The following MLLT6 variants were observed in gnomAD, a reference collection of about 807,000 sequenced individuals.
MLLT6 encodes MLLT6, PHD finger containing, also known as protein AF-17.
A neutral mutation model predicts 103.0 loss-of-function variants in MLLT6; 22 were observed. The observed-to-expected ratio is 0.21, with a 90% CI of 0.15 to 0.31. The LOEUF is 0.31. Ranked by LOEUF, MLLT6 falls within the 10% of genes least tolerant of loss-of-function variation. MLLT6 has a pLI of 1.00. For missense variants in MLLT6, 1,199 were observed against 1,441.7 expected, an observed-to-expected ratio of 0.83 and a Z score of 2.73; for synonymous variants, 606 against 623.5, an observed-to-expected ratio of 0.97 and a Z score of 0.42.
intron 10 of MLLT6, 43 bp downstream of exon 10, chr17:38,717,024 A>T: frequency 1.9e-6 from 3 of 1,607,192 alleles, no homozygotes; most frequent in Non-Finnish European, 2.5e-6. Flanking sequence ...GGGCCCAGCC[A>T]GTCTAGTGAG....
chr17:38,718,512 A>C (rs1247632237), intron 12 of MLLT6: 1 of 152,204 alleles, frequency 6.6e-6, no homozygotes, highest in African/African-American at 2.4e-5. Flanking sequence ...GTACACTTTC[A>C]AGTTAGAACC....
chr17:38,725,219 C>T (rs76820850), intron 19 of MLLT6: 30,382 of 530,954 alleles, frequency 0.057, 1,283 homozygotes, highest in Middle Eastern at 0.14. Context: ...AGCCTTCCTC[C>T]GGGAGGACCA....
chr17:38,705,924 T>G, intron 1 of MLLT6, 183 bp downstream of exon 1: 1 of 268,950 alleles, frequency 3.7e-6, no homozygotes, highest in Middle Eastern at 1.1e-3. Context: ...AGGCATTGTT[T>G]TCTTGCCTAT....
In MLLT6 at chr17:38,709,420, G is replaced by A; in HGVS notation, c.459-62G>A. 6.0e-6 allele frequency: 9 copies of A among 1,494,510 alleles called. No homozygotes were observed. Among genetic ancestry groups the A allele is most frequent in the Non-Finnish European group, 8.4e-6 (9 of 1,071,164 alleles). The allele number at this position is 1,494,510 out of a possible 1,614,324, so 92.6% of individuals were successfully genotyped here. A position where few individuals can be genotyped will look rare whatever the true frequency, so the allele number is the denominator to read the frequency against. ...CGCCTCAGCAGGGGGCCAGGAGGGT[G>A]AGAGGAAGGTGGCTCATGTGATCTG... On this transcript the variant is annotated intron_variant, in intron 5 of 19. Transcript: ENST00000621332. This position sits in a 1 kb window ranked among gnomAD's most constrained non-coding sequence, Gnocchi z 4.3.
chr17:38,707,416 C>T, intron 2 of MLLT6, 70 bp from the exon 3 acceptor site: 1 of 1,474,928 alleles, frequency 6.8e-7, no homozygotes. Flanking sequence ...AGCCTGGGAC[C>T]CCTTGAACGT....
intron 4 of MLLT6, chr17:38,708,934 G>A: frequency 1.9e-6 from 1 of 514,140 alleles, no homozygotes; most frequent in Non-Finnish European, 3.4e-6. Context: ...ATTAAATACA[G>A]TTTAGAATCT....
At position 38,724,743 on chromosome 17, in the gene MLLT6, C is replaced by T. The variant is rs1446277037; in HGVS notation, c.3007C>T (p.Pro1003Ser). 5.0e-6 allele frequency: 8 copies of T among 1,610,726 alleles called. No homozygotes were observed. Among genetic ancestry groups the T allele is most frequent in the Non-Finnish European group, 6.8e-6 (8 of 1,178,864 alleles). Residue 1003 changes from proline (P) to serine (S), a missense_variant, in exon 19 of 20, where the codon CCG (proline) becomes TCG (serine). Transcript: ENST00000621332. This position sits in a 1 kb window ranked among gnomAD's most constrained non-coding sequence, Gnocchi z 5.4. Reference sequence around the variant, plus strand: ...CAGCCTGCTGGCAGGAAGCTCCACCCCGCTGCTGTCTGCGGGTACCCCTGG... The same window carrying T: ...CAGCCTGCTGGCAGGAAGCTCCACCTCGCTGCTGTCTGCGGGTACCCCTGG... ...MASLLAGSST[P>S]LLSAGTPGLL...
In MLLT6 at chr17:38,719,589, G is replaced by A. The variant is rs1800747499; in HGVS notation, c.2009+6G>A. On this transcript the variant is annotated splice_donor_region_variant and intron_variant, in intron 13 of 19. Coordinates refer to ENST00000621332, the MANE Select transcript of MLLT6 (RefSeq NM_005937.4). ...CAGGAGAGTCTGTCTTCCATGTGAG[G>A]GAAGGGGCAGCCTGGAGGAGGGGCT... 1 of 1,603,484 alleles carries A rather than the reference G, an allele frequency of 6.2e-7. No individual in the cohort carries two copies. The highest frequency in any genetic ancestry group is 8.5e-7 in the Non-Finnish European group (1 of 1,174,536).
At chr17:38,707,053 C>A in intron 2 of MLLT6, 24 bp downstream of exon 2, 1 of 1,594,266 alleles carries the variant, frequency 6.3e-7, no homozygotes, top group Non-Finnish European at 8.6e-7. Context: ...TGCCCCTCTC[C>A]ACTCCCCTGC....
chr17:38,720,878 C>T (rs1905693002), intron 16 of MLLT6, 131 bp downstream of exon 16: 2 of 789,810 alleles, frequency 2.5e-6, no homozygotes, highest in African/African-American at 1.7e-5. Context: ...TCCATTCAGT[C>T]CTCCCTTAAT....
chr17:38,721,171 G>C, intron 16 of MLLT6: 1 of 210,720 alleles, frequency 4.7e-6, no homozygotes, highest in South Asian at 7.6e-5. Context: ...TGTGTAACTG[G>C]TGGCGGTTCG....
rs573717802 is a variant in MLLT6, at chr17:38,712,807, C to T, written c.819+18C>T. ...CTGACAAGGTACTGCTGCCCACCTT[C>T]AGGAGGGATGGTGTGTGGGTCTGGG... On this transcript the variant is annotated intron_variant, in intron 8 of 19. Coordinates refer to ENST00000621332, the MANE Select transcript of MLLT6 (RefSeq NM_005937.4). The T allele has an allele frequency of 4.4e-6, 7 of 1,582,282 alleles. No homozygotes were observed. The African/African-American group carries it at 6.7e-5, about 15-fold the overall frequency.
rs1234612567 is a variant in MLLT6, at chr17:38,719,550, G to A, written c.1976G>A (p.Arg659Gln). ...CTGGAGGACTGCAGCTTCCGGTGTC[G>A]GGGGACCTCCCCTCAGGAGAGTCTG... ...PDLEDCSFRC[R>Q]GTSPQESLSS... The change falls in exon 13 of 20, where the codon CGG becomes CAG. Residue 659 changes from arginine (R) to glutamine (Q), a missense_variant. This residue lies in a region of MLLT6 where 1,034 missense variants were observed against 1,091.5 expected (regional missense o/e 0.95). Coordinates refer to ENST00000621332, the MANE Select transcript of MLLT6 (RefSeq NM_005937.4). 3.1e-6 allele frequency: 5 copies of A among 1,611,326 alleles called. No homozygotes were observed. The highest frequency in any genetic ancestry group is 4.5e-5 in the East Asian group (2 of 44,848).
At position 38,722,717 on chromosome 17, in the gene MLLT6, G is replaced by GCAGCAGCTCCAGCAACTC. The variant is rs747599367; in HGVS notation, c.2843_2860dup (p.Gln948_Leu953dup). 6.2e-7 allele frequency: 1 copy of GCAGCAGCTCCAGCAACTC among 1,601,318 alleles called. No homozygotes were observed. Among genetic ancestry groups the GCAGCAGCTCCAGCAACTC allele is most frequent in the South Asian group, 1.1e-5 (1 of 90,856 alleles). ...AGAGACATCTCCTTCAGCAGCAAGA[G>GCAGCAGCTCCAGCAACTC]CAGCAGCTCCAGCAACTCCAGCAGC... On this transcript the variant is annotated inframe_insertion, in exon 18 of 20. Coordinates refer to ENST00000621332, the MANE Select transcript of MLLT6 (RefSeq NM_005937.4).
At chr17:38,707,463 C>T (rs1472862022) in intron 2 of MLLT6, 23 bp from the exon 3 acceptor site, 1 of 1,613,562 alleles carries the variant, frequency 6.2e-7, no homozygotes, top group Non-Finnish European at 8.5e-7. Context: ...TCCCCCAACC[C>T]CTGTGCACTC....
At chr17:38,708,461 C>A (rs758174536) in intron 4 of MLLT6, among the ~76,000 whole-genome samples, 10 of 152,114 alleles carry the variant, frequency 6.6e-5, no homozygotes, top group Non-Finnish European at 1.5e-4. Context: ...CAGAAGAAAG[C>A]CTGGGCAGAG....
chr17:38,722,311 A>G lies in MLLT6; in HGVS notation c.2792+84A>G, dbSNP rs539314060. 4 of 1,096,376 alleles carry G rather than the reference A, an allele frequency of 3.6e-6. No homozygotes were observed. The East Asian group carries it at 1.2e-4, about 32-fold the overall frequency. The allele number at this position is 1,096,376 out of a possible 1,614,324, so 67.9% of individuals were successfully genotyped here. Reference sequence around the variant, plus strand: ...GAGGGATTTTCCCCAAAACACCCACAATCCCTAAAAGGAAAAATGGCCTCT... The same window carrying G: ...GAGGGATTTTCCCCAAAACACCCACGATCCCTAAAAGGAAAAATGGCCTCT... On this transcript the variant is annotated intron_variant, in intron 17 of 19. Transcript: ENST00000621332.
intron 18 of MLLT6, among the ~76,000 whole-genome samples, chr17:38,723,312 C>T (rs1009209395): frequency 6.6e-6 from 1 of 152,136 alleles, no homozygotes; most frequent in Non-Finnish European, 1.5e-5. Context: ...TCAGCCTGGG[C>T]AACTTGGTGA....
chr17:38,719,033 C>G, intron 12 of MLLT6: 1 of 192,590 alleles, frequency 5.2e-6, no homozygotes, highest in Non-Finnish European at 1.1e-5. Context: ...TCATACAGAG[C>G]TAATTATGAT....
Sources: gnomAD v4.1 joint callset for allele counts (sites outside exome capture counted in the v4.1 genomes callset) on GRCh38, gnomAD v4.1.1 for gene constraint, gnomAD v4.1.1 regional missense constraint, Gnocchi (gnomAD v3.1) non-coding constraint, MANE v1.5 for transcripts, NCBI Gene and HGNC (gene_info 2026-07-23, HGNC 2026-07-21) for gene names.